The following NCALD variants were observed in gnomAD, a reference collection of about 807,000 sequenced individuals.
NCALD encodes the protein neurocalcin delta.
NCALD carries 10 observed loss-of-function variants against 18.6 expected under a neutral mutation model. The observed-to-expected ratio is 0.54, with a 90% CI of 0.33 to 0.91. NCALD has a LOEUF of 0.91. Ranked by LOEUF, NCALD falls within the 40% of genes least tolerant of loss-of-function variation. The pLI, the probability that NCALD is intolerant of heterozygous loss-of-function variation, is 0.03. For missense variants in NCALD, 184 were observed against 247.6 expected (o/e 0.74, Z 1.72); for synonymous variants, 88 against 87.4 (o/e 1.01, Z -0.04).
intron 4 of NCALD, among the ~76,000 whole-genome samples, chr8:101,851,378 T>TAA (rs563978195): frequency 6.8e-6 from 1 of 146,604 alleles, no homozygotes; most frequent in Non-Finnish European, 1.5e-5. Context: ...CTCATTAAAC[T>TAA]AAAAAAAAAA....
chr8:101,778,242 T>C (rs1282505863), intron 1 of NCALD, among the ~76,000 whole-genome samples: 2 of 152,174 alleles, frequency 1.3e-5, no homozygotes, highest in African/African-American at 4.8e-5. Flanking sequence ...TGGAAAACCA[T>C]TCCTACGTAA....
chr8:102,112,004 G>A (rs192019916), intron 1 of NCALD, among the ~76,000 whole-genome samples: 1 of 152,106 alleles, frequency 6.6e-6, no homozygotes, highest in Non-Finnish European at 1.5e-5. Flanking sequence ...CACACCCAAG[G>A]ATGTTCACCA....
chr8:101,918,132 C>T (rs1247663013), intron 2 of NCALD, among the ~76,000 whole-genome samples: 1 of 152,124 alleles, frequency 6.6e-6, no homozygotes, highest in African/African-American at 2.4e-5. Flanking sequence ...AGTTAATTCA[C>T]CATGATCAAG....
intron 1 of NCALD, among the ~76,000 whole-genome samples, chr8:102,118,625 G>C (rs1825858265): frequency 6.6e-6 from 1 of 152,208 alleles, no homozygotes; most frequent in South Asian, 2.1e-4. Context: ...TCCTCCCCAA[G>C]TTCAGTACCA....
chr8:101,833,604 T>C (rs1212496846), intron 4 of NCALD, among the ~76,000 whole-genome samples: 2 of 143,090 alleles, frequency 1.4e-5, no homozygotes, highest in Non-Finnish European at 3.0e-5. Context: ...CTGTTTTTTG[T>C]TTCTTGTTTT....
chr8:101,811,560 G>A (rs1267877400), intron 4 of NCALD, among the ~76,000 whole-genome samples: 1 of 152,164 alleles, frequency 6.6e-6, no homozygotes, highest in African/African-American at 2.4e-5. Context: ...ATTAATACAG[G>A]CAACAAATGC....
rs191545783 is a variant in NCALD, at chr8:101,996,862, C to T, written c.-157+23375G>A. 1.9e-3 allele frequency among the ~76,000 whole-genome samples: 296 copies of T among 152,346 alleles called. 2 individuals carry two copies. Among genetic ancestry groups the T allele is most frequent in the Non-Finnish European group, 3.1e-3 (211 of 68,032 alleles). ...CTGCAAAGGACAGAGATTATCTTTA[C>T]ATCAGTGCTAATCCCCATTATCACG... On this transcript the variant is annotated intron_variant, in intron 2 of 6. Coordinates refer to the NCALD transcript ENST00000311028.
chr8:101,784,555 G>A (rs1209930394), intron 1 of NCALD, among the ~76,000 whole-genome samples: 1 of 152,108 alleles, frequency 6.6e-6, no homozygotes, highest in East Asian at 1.9e-4. Flanking sequence ...TCAGCCCTTT[G>A]GGAAGCCAAG....
intron 1 of NCALD, among the ~76,000 whole-genome samples, chr8:102,100,002 G>GAAT (rs1563616528): frequency 7.8e-6 from 1 of 127,526 alleles, no homozygotes. Context: ...AAAAGAAGAA[G>GAAT]AAGAAGAAAA....
At chr8:101,777,024 T>A (rs909924152) in intron 1 of NCALD, among the ~76,000 whole-genome samples, 1 of 151,986 alleles carries the variant, frequency 6.6e-6, no homozygotes, top group African/African-American at 2.4e-5. Flanking sequence ...TTTCCACCAG[T>A]CTCCCCCCAA....
intron 2 of NCALD, among the ~76,000 whole-genome samples, chr8:101,988,154 C>CAAAAAAAAAAAAAAAAAAAA (rs141735735): frequency 6.2e-4 from 23 of 37,024 alleles, no homozygotes; most frequent in African/African-American, 8.4e-4. Flanking sequence ...GACTCCGTCT[C>CAAAAAAAAAAAAAAAAAAAA]AAAAAAAAAA....
intron 2 of NCALD, among the ~76,000 whole-genome samples, chr8:101,710,850 T>G (rs1483684894): frequency 1.3e-5 from 2 of 152,178 alleles, no homozygotes; most frequent in African/African-American, 4.8e-5. Context: ...TCAGCAGACT[T>G]AAACATTCCT....
intron 4 of NCALD, among the ~76,000 whole-genome samples, chr8:101,878,882 C>G (rs1816342692): frequency 6.6e-6 from 1 of 152,146 alleles, no homozygotes; most frequent in Non-Finnish European, 1.5e-5. Flanking sequence ...ACGGTCAATG[C>G]CATGTCCTAT....
At chr8:101,734,473 T>C (rs2130624343) in intron 1 of NCALD, among the ~76,000 whole-genome samples, 1 of 152,360 alleles carries the variant, frequency 6.6e-6, no homozygotes, top group Middle Eastern at 3.4e-3. Context: ...TCTTGTTTCA[T>C]ATTGTATCCC....
chr8:101,945,277 G>T (rs1819123353), intron 2 of NCALD, among the ~76,000 whole-genome samples: 1 of 152,174 alleles, frequency 6.6e-6, no homozygotes, highest in Non-Finnish European at 1.5e-5. Flanking sequence ...TCTGGGGATA[G>T]AAGATCAAAA....
At chr8:101,955,029 C>T (rs186163433) in intron 2 of NCALD, among the ~76,000 whole-genome samples, 1 of 152,204 alleles carries the variant, frequency 6.6e-6, no homozygotes, top group Admixed American at 6.5e-5. Flanking sequence ...TAGTTCATGT[C>T]ACTCAGAACC....
At chr8:102,019,718 C>T (rs1822209234) in intron 2 of NCALD, among the ~76,000 whole-genome samples, 1 of 152,076 alleles carries the variant, frequency 6.6e-6, no homozygotes, top group South Asian at 2.1e-4. Flanking sequence ...GAAAAGATAA[C>T]ACATCATTAC....
intron 3 of NCALD, among the ~76,000 whole-genome samples, chr8:101,914,815 T>C (rs1011312132): frequency 3.9e-5 from 6 of 152,216 alleles, no homozygotes; most frequent in Admixed American, 6.5e-5. Context: ...GCTCATCTTG[T>C]ATATTTGCTG....
At chr8:101,837,886 A>T (rs977368078) in intron 4 of NCALD, among the ~76,000 whole-genome samples, 1 of 152,190 alleles carries the variant, frequency 6.6e-6, no homozygotes, top group African/African-American at 2.4e-5. Context: ...AAGTCTCAAC[A>T]TTGAAACATT....
Sources: gnomAD v4.1 joint callset for allele counts (sites outside exome capture counted in the v4.1 genomes callset) on GRCh38, gnomAD v4.1.1 for gene constraint, MANE v1.5 for transcripts, NCBI Gene and HGNC (gene_info 2026-07-23, HGNC 2026-07-21) for gene names.